Variants in ZNF577 observed in about 807,000 individuals in gnomAD.
ZNF577 encodes zinc finger protein 577.
ZNF577 carries 14 observed loss-of-function variants against 13.9 expected under a neutral mutation model. The ratio of observed to expected loss-of-function variants is 1.00; its 90% confidence interval spans 0.66 to 1.57. The LOEUF (loss-of-function observed/expected upper bound fraction) is 1.57. Ranked by LOEUF, ZNF577 falls within the 40% of genes most tolerant of loss-of-function variation. ZNF577 has a pLI of 0.00. For missense variants in ZNF577, 555 were observed against 579.2 expected, an observed-to-expected ratio of 0.96 and a Z score of 0.43; for synonymous variants, 203 against 202.9, an observed-to-expected ratio of 1.00 and a Z score of 0.00.
At chr19:51,846,257 T>A (rs1276132584) in intron 5 of ZNF577, among the ~76,000 whole-genome samples, 1 of 152,204 alleles carries the variant, frequency 6.6e-6, no homozygotes, top group Non-Finnish European at 1.5e-5. Flanking sequence ...AGTGAGTTCT[T>A]GTCTCTATAA....
intron 9 of ZNF577, among the ~76,000 whole-genome samples, chr19:51,814,863 G>A (rs1599836879): frequency 6.6e-6 from 1 of 152,138 alleles, no homozygotes; most frequent in African/African-American, 2.4e-5. Flanking sequence ...AGGCTGGAGT[G>A]CAGTGGCGCC....
rs1423801208 is a variant in ZNF577 at position 51,870,821 on chromosome 19, GA to G, written c.*1710del. 2.0e-5 allele frequency among the ~76,000 whole-genome samples: 3 copies of G among 152,088 alleles called. No homozygotes were observed. The highest frequency in any genetic ancestry group is 7.2e-5 in the African/African-American group (3 of 41,414). ...TTTCTCCTCCCAATCCTGCAGACTGGAAACTTTCTCCAGGCACTAAGCTGGG... is the reference window on the plus strand; with the variant it reads ...TTTCTCCTCCCAATCCTGCAGACTGGAACTTTCTCCAGGCACTAAGCTGGG... On this transcript the variant is annotated 3_prime_UTR_variant, in exon 6 of 6. Transcript: ENST00000638348.
chr19:51,852,860 T>C (rs2084385648), intron 5 of ZNF577, among the ~76,000 whole-genome samples: 1 of 152,240 alleles, frequency 6.6e-6, no homozygotes, highest in Non-Finnish European at 1.5e-5. Flanking sequence ...GTTTTAATAA[T>C]TGTATATGCC....
intron 9 of ZNF577, among the ~76,000 whole-genome samples, chr19:51,812,261 TA>T (rs1555740447): frequency 6.6e-6 from 1 of 152,194 alleles, no homozygotes; most frequent in Non-Finnish European, 1.5e-5. Flanking sequence ...TGGCCTTCAA[TA>T]ATTAAAATTT....
chr19:51,868,419 T>G lies in ZNF577; in HGVS notation c.*4113A>C, dbSNP rs992039176. Among the ~76,000 whole-genome samples the G allele has an allele frequency of 2.0e-5, 3 of 152,054 alleles. No homozygotes were observed. The highest frequency in any genetic ancestry group is 4.4e-5 in the Non-Finnish European group (3 of 68,016). ...TCCAACATGGGATCCATCTGGCCCA[T>G]GAGAGCAGGAAGAACAAGGGCAAAC... On this transcript the variant is annotated 3_prime_UTR_variant, in exon 6 of 6. Coordinates refer to ENST00000638348, the MANE Select transcript of ZNF577 (RefSeq NM_001370449.1).
chr19:51,842,035 G>C (rs945419955), intron 8 of ZNF577, among the ~76,000 whole-genome samples: 14 of 152,164 alleles, frequency 9.2e-5, no homozygotes, highest in Admixed American at 3.3e-4. Flanking sequence ...TAATAGGCTT[G>C]AAGGACACAG....
intron 9 of ZNF577, among the ~76,000 whole-genome samples, chr19:51,813,438 C>T (rs902956998): frequency 2.7e-5 from 4 of 149,646 alleles, no homozygotes; most frequent in African/African-American, 1.0e-4. Flanking sequence ...TATTTTTGGC[C>T]CAGGGAATGA....
chr19:51,884,141 G>A (rs903560338), intron 1 of ZNF577, among the ~76,000 whole-genome samples: 2 of 152,072 alleles, frequency 1.3e-5, no homozygotes, highest in African/African-American at 4.8e-5. Flanking sequence ...GATGGGTGAA[G>A]TGGCTCACAC....
Position 51,870,417 on chromosome 19 carries a change from T to C in ZNF577, c.*2115A>G, listed in dbSNP as rs2122646873. On this transcript the variant is annotated 3_prime_UTR_variant, in exon 6 of 6. Coordinates refer to ENST00000638348, the MANE Select transcript of ZNF577 (RefSeq NM_001370449.1). ...CCTTTTCATGGCTTGCATGTATGCT[T>C]TGTGAGGAGAGTTCGAGGCAGCCTT... 6.6e-6 allele frequency among the ~76,000 whole-genome samples: 1 copy of C among 152,266 alleles called. No homozygotes were observed.
At position 51,880,340 on chromosome 19, in the gene ZNF577, C is replaced by T. The variant is rs752895966; in HGVS notation, c.43G>A (p.Gly15Ser). 2.5e-6 allele frequency: 4 copies of T among 1,614,118 alleles called. No individual in the cohort carries two copies. The highest frequency in any genetic ancestry group is 3.4e-6 in the Non-Finnish European group (4 of 1,180,020). The change falls in exon 3 of 6, where the codon GGC becomes AGC. Residue 15 changes from glycine (G) to serine (S), a missense_variant. Gly to Ser is a moderately conservative substitution (Grantham distance 56). Coordinates refer to ENST00000638348, the MANE Select transcript of ZNF577 (RefSeq NM_001370449.1). Reference sequence around the variant, plus strand: ...AAATTTACCTCCCCTGAAGAACTGCCTTGCTCTCTCCTCACAGACATTACA... The same window carrying T: ...AAATTTACCTCCCCTGAAGAACTGCTTTGCTCTCTCCTCACAGACATTACA... ...TIVMSVRREQGSSSGEGSLSF... is the reference protein window; with the variant it reads ...TIVMSVRREQSSSSGEGSLSF...
chr19:51,877,306 C>T lies in ZNF577; in HGVS notation c.259G>A (p.Ala87Thr), dbSNP rs2084780446. Residue 87 changes from alanine (A) to threonine (T), a missense_variant, in exon 5 of 6, where the codon GCA becomes ACA. Physicochemically the swap from Ala to Thr is moderately conservative, Grantham distance 58 (BLOSUM62 0). Coordinates refer to ENST00000638348, the MANE Select transcript of ZNF577 (RefSeq NM_001370449.1). ...CCTGGACAGATTTGACTGTGGGCTGCTCCTTCTGCTATCCCTGGGGGTTCT... is the reference window on the plus strand; with the variant it reads ...CCTGGACAGATTTGACTGTGGGCTGTTCCTTCTGCTATCCCTGGGGGTTCT... Reference protein sequence around the residue: ...QGEPPGIAEGAAHSQICPGFV... With the variant: ...QGEPPGIAEGTAHSQICPGFV... 1 of 1,613,960 alleles carries T rather than the reference C, an allele frequency of 6.2e-7. No homozygotes were observed. The highest frequency in any genetic ancestry group is 8.5e-7 in the Non-Finnish European group (1 of 1,179,980).
At chr19:51,878,351 A>G (rs769452702) in intron 4 of ZNF577, 38 bp downstream of exon 4, 2 of 1,607,560 alleles carry the variant, frequency 1.2e-6, no homozygotes, top group East Asian at 2.2e-5. Context: ...GTCACCAAAT[A>G]AGAAAGAAAA....
At chr19:51,852,638 A>T (rs7253775) in intron 5 of ZNF577, among the ~76,000 whole-genome samples, 1,898 of 152,308 alleles carry the variant, frequency 0.012, 42 homozygotes, top group African/African-American at 0.044. Flanking sequence ...TGGCTGAGGG[A>T]AAGTGCTCCT....
At chr19:51,857,418 GAA>G (rs1491216474) in intron 5 of ZNF577, among the ~76,000 whole-genome samples, 11 of 114,934 alleles carry the variant, frequency 9.6e-5, no homozygotes, top group East Asian at 2.5e-4. Context: ...AAGAAAGAAA[GAA>G]AGAAAGAAAA....
chr19:51,805,728 G>A (rs573712687), intron 10 of ZNF577, among the ~76,000 whole-genome samples: 99 of 152,268 alleles, frequency 6.5e-4, no homozygotes, highest in African/African-American at 2.1e-3. Flanking sequence ...GTACTGAGCC[G>A]TTTGAACAGA....
chr19:51,835,807 C>A (rs988945265), intron 9 of ZNF577, among the ~76,000 whole-genome samples: 2 of 152,164 alleles, frequency 1.3e-5, no homozygotes, highest in African/African-American at 4.8e-5. Flanking sequence ...ATTCTCCTGT[C>A]TCAGCCTCCT....
At chr19:51,815,180 CA>C (rs1014688857) in intron 9 of ZNF577, among the ~76,000 whole-genome samples, 1 of 152,088 alleles carries the variant, frequency 6.6e-6, no homozygotes, top group Non-Finnish European at 1.5e-5. Flanking sequence ...CTGACCACCA[CA>C]AAAATCAAGT....
At chr19:51,814,090 T>C (rs1268045365) in intron 9 of ZNF577, among the ~76,000 whole-genome samples, 5 of 152,220 alleles carry the variant, frequency 3.3e-5, no homozygotes, top group Non-Finnish European at 5.9e-5. Context: ...AATTCCTTCT[T>C]GGTTTATGTG....
chr19:51,860,784 A>G (rs2084488930), intron 5 of ZNF577: 2 of 289,098 alleles, frequency 6.9e-6, no homozygotes, highest in South Asian at 6.0e-5. Context: ...AGTTTGCTAT[A>G]ACAAGAAAGA....
Sources: allele counts gnomAD v4.1 joint callset (sites outside exome capture counted in the v4.1 genomes callset), GRCh38; gene constraint gnomAD v4.1.1; transcripts MANE v1.5; gene names NCBI Gene and HGNC (gene_info 2026-07-23, HGNC 2026-07-21).